SRGAP3: variants seen among roughly 807,000 people sequenced by gnomAD.
SRGAP3 encodes the protein SLIT-ROBO Rho GTPase activating protein 3, also known as SLIT-ROBO Rho GTPase-activating protein 3.
SRGAP3 carries 39 observed loss-of-function variants against 121.1 expected under a neutral mutation model. The ratio of observed to expected loss-of-function variants is 0.32; its 90% CI spans 0.25 to 0.42. The LOEUF is 0.42. Among genes scored for constraint, SRGAP3 ranks in the 10% least tolerant of loss-of-function variants. The pLI, the probability that SRGAP3 is intolerant of heterozygous loss-of-function variation, is 1.00. For synonymous variants in SRGAP3, 601 were observed against 570.0 expected, an observed-to-expected ratio of 1.05 and a Z score of -0.77; for missense variants, 1,213 against 1,470.6, an observed-to-expected ratio of 0.82 and a Z score of 2.86.
At chr3:9,302,614 A>G (rs1035166651) in intron 3 of SRGAP3, among the ~76,000 whole-genome samples, 8 of 152,174 alleles carry the variant, frequency 5.3e-5, no homozygotes, top group Non-Finnish European at 7.3e-5. Context: ...ACTCTCGCAG[A>G]GCTTTATTTC....
At chr3:9,108,529 G>A (rs1225497637) in intron 2 of SRGAP3, among the ~76,000 whole-genome samples, 1 of 152,136 alleles carries the variant, frequency 6.6e-6, no homozygotes, top group Non-Finnish European at 1.5e-5. Flanking sequence ...GAGGTGGGAG[G>A]ATCACTGGAG....
intron 3 of SRGAP3, among the ~76,000 whole-genome samples, chr3:9,255,885 A>G (rs1954121788): frequency 6.6e-6 from 1 of 152,030 alleles, no homozygotes. Context: ...GATAGGTTAT[A>G]TTTTTCCCAT....
intron 1 of SRGAP3, among the ~76,000 whole-genome samples, chr3:9,208,749 T>C (rs1952347488): frequency 6.6e-6 from 1 of 152,160 alleles, no homozygotes; most frequent in South Asian, 2.1e-4. Context: ...AGGGCTCGGG[T>C]GTCAGGCTAA....
At chr3:9,307,180 G>C (rs557610268) in intron 3 of SRGAP3, among the ~76,000 whole-genome samples, 1 of 152,212 alleles carries the variant, frequency 6.6e-6, no homozygotes, top group African/African-American at 2.4e-5. Flanking sequence ...CACCATGTTG[G>C]CCAGGCTGGT....
At chr3:9,112,423 T>C (rs1294708213) in intron 2 of SRGAP3, among the ~76,000 whole-genome samples, 1 of 152,252 alleles carries the variant, frequency 6.6e-6, no homozygotes, top group African/African-American at 2.4e-5. Context: ...CAGCCAATAG[T>C]AAGTGTGTGC....
At position 9,056,476 on chromosome 3, in the gene SRGAP3, C is replaced by G. The variant is rs1945828265; in HGVS notation, c.1024-142G>C. ...AGGTTGAGTGACCTGCTCAAGGTCA[C>G]AGAGCTCATAAGTGGCCGTGGCAAC... is the stretch of plus-strand genomic sequence containing the variant. On this transcript the variant is annotated intron_variant, in intron 7 of 21. Transcript: ENST00000383836. 19 of 856,378 alleles carry G rather than the reference C, an allele frequency of 2.2e-5. No individual in the cohort carries two copies. The South Asian group carries it at 2.3e-4, about 11-fold the overall frequency. 53.0% of individuals were successfully genotyped at this position (856,378 alleles called of 1,614,324 possible).
chr3:9,062,913 A>T lies in SRGAP3; in HGVS notation c.672+1483T>A, dbSNP rs1427033977. Among the ~76,000 whole-genome samples, 3 of 152,164 alleles carry T rather than the reference A, an allele frequency of 2.0e-5. No individual in the cohort carries two copies. In the East Asian group the frequency reaches 5.8e-4, roughly 29 times the overall value. On this transcript the variant is annotated intron_variant, in intron 5 of 21. Coordinates refer to ENST00000383836, the MANE Select transcript of SRGAP3 (RefSeq NM_014850.4). ...AATAAAATTGTTGAGTCACATGGTA[A>T]CTTAGTCTATGTTTAACATTTAGAC...
chr3:9,133,143 G>A (rs1297108260), intron 1 of SRGAP3, among the ~76,000 whole-genome samples: 1 of 151,670 alleles, frequency 6.6e-6, no homozygotes, highest in African/African-American at 2.4e-5. Context: ...ACATGTTAGA[G>A]CATATCATTC....
At chr3:9,175,697 A>T (rs1267863198) in intron 1 of SRGAP3, among the ~76,000 whole-genome samples, 5 of 152,230 alleles carry the variant, frequency 3.3e-5, no homozygotes, top group African/African-American at 9.6e-5. Flanking sequence ...AGCCTGTGCC[A>T]GGTCTACATT....
chr3:9,171,620 GTTT>G (rs1283742053), intron 1 of SRGAP3, among the ~76,000 whole-genome samples: 1 of 152,134 alleles, frequency 6.6e-6, no homozygotes, highest in East Asian at 1.9e-4. Context: ...CTTATTAAAA[GTTT>G]TTTTATTATT....
intron 1 of SRGAP3, among the ~76,000 whole-genome samples, chr3:9,221,075 T>A (rs531234705): frequency 2.0e-5 from 3 of 152,294 alleles, no homozygotes; most frequent in South Asian, 2.1e-4. Context: ...CAGCCTGGAC[T>A]TCCTCTTGCC....
chr3:9,077,084 G>A (rs1052270436), intron 4 of SRGAP3, among the ~76,000 whole-genome samples: 2 of 151,862 alleles, frequency 1.3e-5, no homozygotes, highest in Non-Finnish European at 2.9e-5. Flanking sequence ...TTTACATTAG[G>A]TATATCTCGT....
In SRGAP3 at chr3:8,990,828, C is replaced by G. The variant is rs1443859619; in HGVS notation, c.2570G>C (p.Arg857Pro). 1 of 1,542,692 alleles carries G rather than the reference C, an allele frequency of 6.5e-7. No homozygotes were observed. The highest frequency in any genetic ancestry group is 1.4e-5 in the African/African-American group (1 of 73,292). ...FGGVMGRVRLRSDGAAIPRRR... is the reference protein window; with the variant it reads ...FGGVMGRVRLPSDGAAIPRRR... The stretch of plus-strand genomic sequence containing the variant: ...TCTGGGGATGGCTGCTCCATCAGAT[C>G]GTAACCGCACTCTGCAAAGGAGCCA... Residue 857 changes from arginine to proline, a missense_variant, in exon 21 of 22, where the codon CGA becomes CCA. By Grantham distance (103) the Arg-to-Pro change is moderately radical (BLOSUM62 -2). Coordinates refer to ENST00000383836, the MANE Select transcript of SRGAP3 (RefSeq NM_014850.4).
intron 1 of SRGAP3, among the ~76,000 whole-genome samples, chr3:9,170,694 G>A (rs960032097): frequency 6.6e-6 from 1 of 152,242 alleles, no homozygotes; most frequent in Non-Finnish European, 1.5e-5. Context: ...CGCCCAGCGA[G>A]GCAGATGCTC....
chr3:9,288,376 A>G (rs759193282), intron 3 of SRGAP3, among the ~76,000 whole-genome samples: 13 of 151,806 alleles, frequency 8.6e-5, no homozygotes, highest in Non-Finnish European at 4.4e-5. Context: ...ATCTCGGATG[A>G]TCTGCCCACC....
chr3:9,337,982 G>A (rs1955719722), intron 1 of SRGAP3, among the ~76,000 whole-genome samples: 1 of 152,186 alleles, frequency 6.6e-6, no homozygotes, highest in South Asian at 2.1e-4. Flanking sequence ...TGGAACTAAA[G>A]TTTCACATAA....
At chr3:9,331,148 A>C (rs1432148673) in intron 1 of SRGAP3, among the ~76,000 whole-genome samples, 3 of 152,248 alleles carry the variant, frequency 2.0e-5, no homozygotes, top group Non-Finnish European at 4.4e-5. Context: ...TCTGCAAAGA[A>C]TGTGGATTGC....
chr3:9,286,696 G>A (rs1052431167), intron 3 of SRGAP3, among the ~76,000 whole-genome samples: 13 of 150,838 alleles, frequency 8.6e-5, no homozygotes, highest in Admixed American at 1.3e-4. Flanking sequence ...TTCGCCTCCC[G>A]GGTTCCCGCC....
At chr3:9,307,279 T>C (rs1410004216) in intron 3 of SRGAP3, among the ~76,000 whole-genome samples, 4 of 152,128 alleles carry the variant, frequency 2.6e-5, no homozygotes, top group Non-Finnish European at 5.9e-5. Context: ...CAGCCCCCAG[T>C]TAGGATCTGT....
Sources: allele counts gnomAD v4.1 joint callset (sites outside exome capture counted in the v4.1 genomes callset), GRCh38; gene constraint gnomAD v4.1.1; transcripts MANE v1.5; gene names NCBI Gene and HGNC (gene_info 2026-07-23, HGNC 2026-07-21).